Variants in GRID2 observed in about 807,000 individuals in gnomAD.
GRID2 encodes glutamate receptor ionotropic, delta-2.
Under a neutral mutation model 114.8 loss-of-function variants are expected in GRID2, and 33 were observed. The ratio of observed to expected loss-of-function variants is 0.29; its 90% CI spans 0.22 to 0.38. The LOEUF (loss-of-function observed/expected upper bound fraction) is 0.38. Ranked by LOEUF, GRID2 falls within the 10% of genes least tolerant of loss-of-function variation. The pLI is 1.00. For missense variants in GRID2, 1,184 were observed against 1,257.7 expected, an observed-to-expected ratio of 0.94 and a Z score of 0.89; for synonymous variants, 505 against 449.9, an observed-to-expected ratio of 1.12 and a Z score of -1.55.
chr4:93,530,666 G>A (rs1731352456), intron 13 of GRID2, among the ~76,000 whole-genome samples: 1 of 151,916 alleles, frequency 6.6e-6, no homozygotes, highest in African/African-American at 2.4e-5. Context: ...TTTTAATACT[G>A]TAATTGTCTT....
At chr4:93,427,399 T>C (rs893272491) in intron 10 of GRID2, among the ~76,000 whole-genome samples, 1 of 152,022 alleles carries the variant, frequency 6.6e-6, no homozygotes, top group African/African-American at 2.4e-5. Context: ...TTTAAATAAA[T>C]GTTGCCACTA....
chr4:92,919,553 C>G (rs921096369), intron 2 of GRID2, among the ~76,000 whole-genome samples: 2 of 152,144 alleles, frequency 1.3e-5, no homozygotes, highest in Non-Finnish European at 2.9e-5. Context: ...TATGTTGTGT[C>G]TTTGTTCTCA....
chr4:92,687,194 T>C (rs1342387578), intron 2 of GRID2, among the ~76,000 whole-genome samples: 2 of 151,974 alleles, frequency 1.3e-5, no homozygotes, highest in Non-Finnish European at 2.9e-5. Context: ...TTTTTTTTTT[T>C]TTCAGGAAAG....
intron 2 of GRID2, among the ~76,000 whole-genome samples, chr4:92,809,858 CATA>C (rs1478471872): frequency 6.6e-6 from 1 of 151,884 alleles, no homozygotes; most frequent in African/African-American, 2.4e-5. Flanking sequence ...GTAAATATAT[CATA>C]ATATTTATAT....
chr4:93,679,993 G>C (rs1316560370), intron 14 of GRID2, among the ~76,000 whole-genome samples: 1 of 151,066 alleles, frequency 6.6e-6, no homozygotes, highest in Non-Finnish European at 1.5e-5. Flanking sequence ...CCAGGAGCTG[G>C]TTTTTTGAAA....
chr4:92,859,204 A>G (rs1203956446), intron 2 of GRID2, among the ~76,000 whole-genome samples: 2 of 152,200 alleles, frequency 1.3e-5, no homozygotes, highest in Non-Finnish European at 2.9e-5. Context: ...AGCCATCAAC[A>G]TCAAGATAAA....
intron 2 of GRID2, among the ~76,000 whole-genome samples, chr4:92,659,111 C>CA (rs1023946817): frequency 3.0e-5 from 4 of 133,568 alleles, no homozygotes; most frequent in African/African-American, 1.1e-4. Context: ...ATAAGGAACA[C>CA]AGAGTGCAAA....
intron 14 of GRID2, among the ~76,000 whole-genome samples, chr4:93,660,835 C>T (rs184579044): frequency 6.6e-6 from 1 of 152,064 alleles, no homozygotes; most frequent in Non-Finnish European, 1.5e-5. Context: ...GCAGATAATA[C>T]AAAGACAGGC....
chr4:93,407,723 T>TCCTTCTCCTCCTC (rs1766612051), intron 9 of GRID2, among the ~76,000 whole-genome samples: 1 of 64,250 alleles, frequency 1.6e-5, no homozygotes, highest in Non-Finnish European at 2.7e-5. Flanking sequence ...TCCTCCTCCT[T>TCCTTCTCCTCCTC]CTCCTCCTCC....
chr4:93,500,826 C>T (rs890913886), intron 12 of GRID2, among the ~76,000 whole-genome samples: 2 of 151,970 alleles, frequency 1.3e-5, no homozygotes, highest in African/African-American at 4.8e-5. Context: ...AGTTTTCTCT[C>T]CTAACTCACC....
At chr4:93,425,132 TTCAACATCTTA>T (rs1367091718) in intron 10 of GRID2, among the ~76,000 whole-genome samples, 2 of 152,220 alleles carry the variant, frequency 1.3e-5, no homozygotes, top group African/African-American at 4.8e-5. Flanking sequence ...TTGCTAAAAT[TTCAACATCTTA>T]TCATCTCAGA....
chr4:92,681,511 A>AG (rs1418874853), intron 2 of GRID2, among the ~76,000 whole-genome samples: 3 of 151,882 alleles, frequency 2.0e-5, no homozygotes, highest in African/African-American at 7.3e-5. Context: ...CTGCACAGGA[A>AG]GGGGAACATT....
chr4:92,441,212 A>G (rs985208592), intron 1 of GRID2, among the ~76,000 whole-genome samples: 1 of 152,134 alleles, frequency 6.6e-6, no homozygotes, highest in Non-Finnish European at 1.5e-5. Flanking sequence ...GGTTTGAGAG[A>G]TCGGTCGGAC....
At chr4:92,481,271 G>A (rs1055510775) in intron 1 of GRID2, among the ~76,000 whole-genome samples, 1 of 151,970 alleles carries the variant, frequency 6.6e-6, no homozygotes, top group Non-Finnish European at 1.5e-5. Flanking sequence ...TACCCTTAAA[G>A]TTCCTGGAAG....
intron 11 of GRID2, among the ~76,000 whole-genome samples, chr4:93,458,286 A>G (rs1437662854): frequency 6.6e-6 from 1 of 152,206 alleles, no homozygotes. Context: ...TTTATTATTG[A>G]AGCAAAAAAG....
At chr4:92,364,761 C>T (rs1728771997) in intron 1 of GRID2, among the ~76,000 whole-genome samples, 1 of 151,992 alleles carries the variant, frequency 6.6e-6, no homozygotes, top group Admixed American at 6.6e-5. Flanking sequence ...GTCTGGATTT[C>T]TGCCATAGGC....
chr4:93,125,494 A>G (rs1222992405), intron 4 of GRID2, among the ~76,000 whole-genome samples: 3 of 152,164 alleles, frequency 2.0e-5, no homozygotes, highest in African/African-American at 7.2e-5. Flanking sequence ...ATAAGTTGTT[A>G]CTTCCAATAT....
intron 8 of GRID2, among the ~76,000 whole-genome samples, chr4:93,242,600 C>T (rs1444129941): frequency 6.6e-6 from 1 of 151,956 alleles, no homozygotes; most frequent in Non-Finnish European, 1.5e-5. Flanking sequence ...AAGAGTATAA[C>T]AGAGACAAAG....
chr4:93,045,430 ATTAAT>A (rs1242280921), intron 2 of GRID2, among the ~76,000 whole-genome samples: 2 of 152,058 alleles, frequency 1.3e-5, no homozygotes, highest in Non-Finnish European at 2.9e-5. Flanking sequence ...CTATGTATGT[ATTAAT>A]TTATTTTTGA....
Sources: allele counts gnomAD v4.1 joint callset (sites outside exome capture counted in the v4.1 genomes callset), GRCh38; gene constraint gnomAD v4.1.1; transcripts MANE v1.5; gene names NCBI Gene and HGNC (gene_info 2026-07-23, HGNC 2026-07-21).